The following PLAC1 variants were observed in gnomAD, a reference collection of about 807,000 sequenced individuals.
PLAC1 encodes the protein placenta-specific protein 1.
For synonymous variants in PLAC1, 68 were observed against 62.1 expected (o/e 1.09, Z -0.44); for missense variants, 136 against 163.2 (o/e 0.83, Z 0.91).
At chrX:134,704,537 T>C (rs1179871253) in intron 2 of PLAC1, among the ~76,000 whole-genome samples, 4 of 96,729 alleles carry the variant, frequency 4.1e-5, no homozygotes, top group Non-Finnish European at 8.4e-5. Flanking sequence ...AAATAAAACA[T>C]AGTAATAGAA....
intron 1 of PLAC1, among the ~76,000 whole-genome samples, chrX:134,739,116 A>C: frequency 9.0e-6 from 1 of 111,583 alleles, no homozygotes. Flanking sequence ...ATTTTTTAAG[A>C]CTCGTGGGAA....
At chrX:134,621,594 G>A (rs186803542) in intron 1 of PLAC1, among the ~76,000 whole-genome samples, 1 of 111,214 alleles carries the variant, frequency 9.0e-6, no homozygotes, top group East Asian at 2.8e-4. Flanking sequence ...AACTGTTTGA[G>A]TTGTATATGG....
intron 2 of PLAC1, among the ~76,000 whole-genome samples, chrX:134,728,581 C>T (rs1167184548): frequency 9.0e-6 from 1 of 111,676 alleles, no homozygotes; most frequent in African/African-American, 3.3e-5. Flanking sequence ...AAGGCATTCC[C>T]AGCTAGATAA....
chrX:134,687,545 T>C (rs2078521416), intron 2 of PLAC1, among the ~76,000 whole-genome samples: 1 of 108,618 alleles, frequency 9.2e-6, no homozygotes, highest in Non-Finnish European at 1.9e-5. Flanking sequence ...AGGGGGCAGA[T>C]GTAAGGGCCT....
intron 1 of PLAC1, among the ~76,000 whole-genome samples, chrX:134,736,552 T>C (rs2078703699): frequency 1.8e-5 from 2 of 111,312 alleles, no homozygotes; most frequent in Admixed American, 9.5e-5. Context: ...GCTGGGCCCC[T>C]GACCCCACCA....
At chrX:134,593,009 G>T (rs777359757) in intron 2 of PLAC1, among the ~76,000 whole-genome samples, 30 of 110,917 alleles carry the variant, frequency 2.7e-4, no homozygotes, top group Non-Finnish European at 5.1e-4. Context: ...TTACAGGCGT[G>T]AGCCACCGCG....
At chrX:134,754,446 AGT>A (rs1378009412) in intron 1 of PLAC1, among the ~76,000 whole-genome samples, 3 of 111,399 alleles carry the variant, frequency 2.7e-5, no homozygotes, top group Non-Finnish European at 5.7e-5. Context: ...CTATAATTAT[AGT>A]ATTAGAAAAA....
chrX:134,722,446 C>T (rs1178929709), intron 2 of PLAC1, among the ~76,000 whole-genome samples: 2 of 112,268 alleles, frequency 1.8e-5, no homozygotes, highest in African/African-American at 6.5e-5. Context: ...ACATATTACA[C>T]GATTCCACTT....
chrX:134,718,418 T>C (rs1408633184), intron 2 of PLAC1, among the ~76,000 whole-genome samples: 2 of 112,409 alleles, frequency 1.8e-5, no homozygotes, highest in East Asian at 5.6e-4. Flanking sequence ...CACCCTGCTC[T>C]CCAGAAGTAC....
intron 2 of PLAC1, among the ~76,000 whole-genome samples, chrX:134,695,113 T>G (rs1381916896): frequency 8.9e-6 from 1 of 111,734 alleles, no homozygotes; most frequent in Non-Finnish European, 1.9e-5. Context: ...TCTCTTGGAG[T>G]CAGGCCCAGG....
intron 2 of PLAC1, among the ~76,000 whole-genome samples, chrX:134,677,228 CAG>C (rs1230750075): frequency 9.0e-6 from 1 of 111,507 alleles, no homozygotes; most frequent in Non-Finnish European, 1.9e-5. Flanking sequence ...ATTCACTCAA[CAG>C]ATATTAACTG....
At chrX:134,760,424 T>A (rs1923906634) in intron 1 of PLAC1, 1 of 111,513 alleles carries the variant, frequency 9.0e-6, no homozygotes, top group African/African-American at 3.3e-5. Flanking sequence ...TCAAACATAA[T>A]AAATATATAT....
intron 2 of PLAC1, among the ~76,000 whole-genome samples, chrX:134,571,063 T>C (rs1346043640): frequency 8.9e-6 from 1 of 112,015 alleles, no homozygotes; most frequent in Non-Finnish European, 1.9e-5. Context: ...AAAGCCAGAC[T>C]GAGATCTCGT....
chrX:134,661,579 GT>G (rs2078416715), upstream of PLAC1, among the ~76,000 whole-genome samples: 1 of 112,240 alleles, frequency 8.9e-6, no homozygotes, highest in African/African-American at 3.2e-5. Flanking sequence ...CCTTTAAATA[GT>G]TTTCATTATT....
chrX:134,642,682 G>T (rs1262798248), intron 1 of PLAC1, among the ~76,000 whole-genome samples: 1 of 111,138 alleles, frequency 9.0e-6, no homozygotes, highest in East Asian at 2.8e-4. Flanking sequence ...AGGGAAGGGG[G>T]AAAGGATATT....
chrX:134,734,219 C>T (rs1281483737), intron 1 of PLAC1, among the ~76,000 whole-genome samples: 2 of 113,024 alleles, frequency 1.8e-5, no homozygotes, highest in East Asian at 2.8e-4. Flanking sequence ...AAATCCTCCA[C>T]GTGAGTTTTC....
rs767884776 is a variant in PLAC1 at position 134,612,773 on chromosome X, A to G, written c.-130-10651T>C. On this transcript the variant is annotated intron_variant, in intron 1 of 2. Coordinates refer to ENST00000359237, the MANE Select transcript of PLAC1 (RefSeq NM_021796.4). ...AAATCCTCCTTTTCCAGCCAGATGA[A>G]TGTATTGGTACCTTTGCTTTGCCCT... Among the ~76,000 whole-genome samples, 3 of 111,508 alleles carry G rather than the reference A, an allele frequency of 2.7e-5. No individual in the cohort carries two copies. The South Asian group carries it at 1.2e-3, about 43-fold the overall frequency.
chrX:134,699,930 C>T (rs187146030), intron 2 of PLAC1, among the ~76,000 whole-genome samples: 1 of 111,937 alleles, frequency 8.9e-6, no homozygotes, highest in Non-Finnish European at 1.9e-5. Context: ...AATGAAACAC[C>T]AGTCACAGAG....
At chrX:134,645,515 C>A (rs2078328594) in intron 1 of PLAC1, among the ~76,000 whole-genome samples, 1 of 111,609 alleles carries the variant, frequency 9.0e-6, no homozygotes, top group African/African-American at 3.3e-5. Context: ...TCAACCCTCT[C>A]TGACCTTCTC....
Sources: gnomAD v4.1 joint callset for allele counts (sites outside exome capture counted in the v4.1 genomes callset) on GRCh38, gnomAD v4.1.1 for gene constraint, MANE v1.5 for transcripts, NCBI Gene and HGNC (gene_info 2026-07-23, HGNC 2026-07-21) for gene names.